The following NMU variants were observed in gnomAD, a reference collection of about 807,000 sequenced individuals.
NMU encodes neuromedin-U.
NMU carries 29 observed loss-of-function variants against 35.4 expected under a neutral mutation model. The observed-to-expected ratio is 0.82, with a 90% confidence interval of 0.61 to 1.12. NMU has a LOEUF of 1.12. Ranked by LOEUF, NMU falls within the 50% of genes most tolerant of loss-of-function variation. NMU has a pLI of 0.00. For synonymous variants in NMU, 78 were observed against 81.3 expected, an observed-to-expected ratio of 0.96 and a Z score of 0.22; for missense variants, 199 against 206.2, an observed-to-expected ratio of 0.97 and a Z score of 0.21.
intron 1 of NMU, among the ~76,000 whole-genome samples, chr4:55,633,690 A>T (rs1312483023): frequency 6.6e-6 from 1 of 152,252 alleles, no homozygotes; most frequent in African/African-American, 2.4e-5. Flanking sequence ...AGACCTGATT[A>T]TTCTAAAAGT....
intron 3 of NMU, among the ~76,000 whole-genome samples, chr4:55,610,182 G>T (rs773907506): frequency 2.0e-5 from 3 of 152,174 alleles, no homozygotes; most frequent in Non-Finnish European, 4.4e-5. Context: ...TGAAAAAGAG[G>T]TCGGGTGCAG....
intron 6 of NMU, 36 bp downstream of exon 6, chr4:55,607,262 T>C (rs1010220980): frequency 1.4e-6 from 2 of 1,457,452 alleles, no homozygotes; most frequent in Non-Finnish European, 1.9e-6. Context: ...TTTAAACAAA[T>C]ATTAGTGATT....
At chr4:55,609,987 A>C (rs1377967039) in intron 3 of NMU, among the ~76,000 whole-genome samples, 1 of 152,222 alleles carries the variant, frequency 6.6e-6, no homozygotes, top group East Asian at 1.9e-4. Context: ...ATCGCAGTGC[A>C]AATTCCATTT....
rs1733118300 is a variant in NMU at position 55,595,248 on chromosome 4, A to T, written c.*168T>A. 1.3e-5 allele frequency: 2 copies of T among 152,550 alleles called. No homozygotes were observed. 9.4% of individuals were successfully genotyped at this position (152,550 alleles called of 1,614,324 possible). ...AGCAAAAATATTTTTAGATTTTTTA[A>T]TTTTCAACAAATTGAACATTTACAA... On this transcript the variant is annotated 3_prime_UTR_variant, in exon 10 of 10. Coordinates refer to ENST00000264218, the MANE Select transcript of NMU (RefSeq NM_006681.4).
At chr4:55,596,884 G>A (rs1733205381) in intron 9 of NMU, among the ~76,000 whole-genome samples, 1 of 152,158 alleles carries the variant, frequency 6.6e-6, no homozygotes, top group East Asian at 1.9e-4. Flanking sequence ...GTCAGCTACT[G>A]TACTAACTTG....
In NMU at chr4:55,599,190, T is replaced by C; in HGVS notation, c.490-9A>G. 1 of 1,601,534 alleles carries C rather than the reference T, an allele frequency of 6.2e-7. No homozygotes were observed. The highest frequency in any genetic ancestry group is 8.6e-7 in the Non-Finnish European group (1 of 1,168,852). On this transcript the variant is annotated splice_polypyrimidine_tract_variant and intron_variant, in intron 8 of 9. Transcript: ENST00000264218. Reference sequence around the variant, plus strand: ...CTTCTTCCATTCCGTGGCTGAAAAATAATAGATTAGAAATAAATCAGTGTA... The same window carrying C: ...CTTCTTCCATTCCGTGGCTGAAAAACAATAGATTAGAAATAAATCAGTGTA...
At chr4:55,607,888 T>C (rs1733756722) in intron 4 of NMU, among the ~76,000 whole-genome samples, 1 of 152,182 alleles carries the variant, frequency 6.6e-6, no homozygotes. Flanking sequence ...AAAAAATTTT[T>C]AGCCGGGCGC....
chr4:55,613,224 T>C (rs1298825098), intron 3 of NMU, among the ~76,000 whole-genome samples: 1 of 152,120 alleles, frequency 6.6e-6, no homozygotes, highest in African/African-American at 2.4e-5. Flanking sequence ...ACCTGGGTGA[T>C]GAAATAATCT....
intron 2 of NMU, among the ~76,000 whole-genome samples, chr4:55,626,405 T>A (rs1734531204): frequency 6.6e-6 from 1 of 152,222 alleles, no homozygotes; most frequent in African/African-American, 2.4e-5. Flanking sequence ...TTAGACATTG[T>A]CAATATCTTC....
chr4:55,614,992 A>C lies in NMU; in HGVS notation c.219+1346T>G, dbSNP rs377408136. Among the ~76,000 whole-genome samples the C allele has an allele frequency of 7.9e-5, 12 of 152,308 alleles. No homozygotes were observed. In the South Asian group the frequency reaches 1.2e-3, roughly 16 times the overall value. On this transcript the variant is annotated intron_variant, in intron 3 of 9. Transcript: ENST00000264218. ...TGGGTTGAGGCAGGAGAAATACAACACTATACAAGGCTGTTTCTTCACACT... is the reference window on the plus strand; with the variant it reads ...TGGGTTGAGGCAGGAGAAATACAACCCTATACAAGGCTGTTTCTTCACACT...
intron 9 of NMU, among the ~76,000 whole-genome samples, chr4:55,598,161 C>A (rs1733276111): frequency 7.9e-6 from 1 of 126,362 alleles, no homozygotes; most frequent in Admixed American, 9.8e-5. Flanking sequence ...GAGGAAAGAT[C>A]ATAGCTCACA....
intron 2 of NMU, among the ~76,000 whole-genome samples, chr4:55,616,957 A>G (rs1410383700): frequency 6.6e-6 from 1 of 152,242 alleles, no homozygotes; most frequent in Non-Finnish European, 1.5e-5. Flanking sequence ...TCCTTATCCT[A>G]AAAAGAAAAC....
At chr4:55,612,966 C>T (rs186532824) in intron 3 of NMU, among the ~76,000 whole-genome samples, 14 of 152,180 alleles carry the variant, frequency 9.2e-5, no homozygotes, top group African/African-American at 4.8e-5. Context: ...CCGAATACTA[C>T]ACAGCCATAA....
intron 7 of NMU, among the ~76,000 whole-genome samples, chr4:55,603,316 T>G (rs1733502951): frequency 6.6e-6 from 1 of 151,896 alleles, no homozygotes; most frequent in African/African-American, 2.4e-5. Flanking sequence ...CCAGCCTGAA[T>G]TCAACTTTTA....
At chr4:55,600,652 G>A in intron 7 of NMU, 77 bp from the exon 8 acceptor site, 1 of 1,034,194 alleles carries the variant, frequency 9.7e-7, no homozygotes, top group Non-Finnish European at 1.5e-6. Context: ...AGTATATTGA[G>A]GGTCAAAATT....
chr4:55,608,041 G>A (rs1239676720), intron 4 of NMU, among the ~76,000 whole-genome samples: 1 of 151,964 alleles, frequency 6.6e-6, no homozygotes, highest in Non-Finnish European at 1.5e-5. Flanking sequence ...GGCCTGGTGG[G>A]GCGAGCGCCT....
At chr4:55,605,559 C>T (rs536822179) in intron 6 of NMU, among the ~76,000 whole-genome samples, 10 of 152,298 alleles carry the variant, frequency 6.6e-5, no homozygotes, top group East Asian at 3.9e-4. Flanking sequence ...GGTAGCTCTA[C>T]GCTGGGATTT....
intron 7 of NMU, among the ~76,000 whole-genome samples, chr4:55,604,027 A>ATATATACATGTGTATATATACACATGTAC (rs1733567304): frequency 3.4e-5 from 1 of 29,006 alleles, no homozygotes; most frequent in African/African-American, 1.0e-4. Flanking sequence ...GTATATATAT[A>ATATATACATGTGTATATATACACATGTAC]ATCCTAGAAA....
chr4:55,605,156 G>C (rs1733627681), intron 7 of NMU, 119 bp downstream of exon 7: 2 of 776,974 alleles, frequency 2.6e-6, no homozygotes, highest in Non-Finnish European at 2.3e-6. Context: ...TGGCTAACTG[G>C]GTATTAGTGT....
Sources: allele counts gnomAD v4.1 joint callset (sites outside exome capture counted in the v4.1 genomes callset), GRCh38; gene constraint gnomAD v4.1.1; transcripts MANE v1.5; gene names NCBI Gene and HGNC (gene_info 2026-07-23, HGNC 2026-07-21).